GSE1: variants seen among roughly 807,000 people sequenced by gnomAD.
The protein encoded by GSE1 is Gse1 coiled-coil protein, also known as genetic suppressor element 1.
Under a neutral mutation model 112.6 loss-of-function variants are expected in GSE1, and 32 were observed. The ratio of observed to expected loss-of-function variants is 0.28; its 90% confidence interval spans 0.21 to 0.38. The LOEUF (loss-of-function observed/expected upper bound fraction) is 0.38. Among genes scored for constraint, GSE1 ranks in the 10% least tolerant of loss-of-function variants. GSE1 has a pLI of 1.00. For missense variants in GSE1, 2,348 were observed against 1,699.2 expected (o/e 1.38, Z -6.71); for synonymous variants, 1,115 against 735.6 (o/e 1.52, Z -8.35).
At chr16:85,621,822 G>T (rs1285800660) in intron 1 of GSE1, among the ~76,000 whole-genome samples, 1 of 152,172 alleles carries the variant, frequency 6.6e-6, no homozygotes, top group Non-Finnish European at 1.5e-5. Flanking sequence ...GGGGAGGGGA[G>T]GGCGCTCCGG....
intron 1 of GSE1, among the ~76,000 whole-genome samples, chr16:85,174,825 C>T (rs965943928): frequency 6.6e-6 from 1 of 152,202 alleles, no homozygotes; most frequent in African/African-American, 2.4e-5. Context: ...CTGTGAGCCC[C>T]CTGGGGAGGG....
rs528079537 is a variant in GSE1, at chr16:85,364,521, G to A, written c.2464+6878G>A. 8.5e-5 allele frequency among the ~76,000 whole-genome samples: 13 copies of A among 152,316 alleles called. No homozygotes were observed. The South Asian group carries it at 1.2e-3, about 15-fold the overall frequency. ...TGCATTAGTCAGGGCAGGCACCCCC[G>A]GTGCCGTAACAGACAGTCCCAGGGT... On this transcript the variant is annotated intron_variant, in intron 2 of 2. Coordinates refer to the GSE1 transcript ENST00000637419.
At chr16:85,432,261 G>C (rs1188424979) in intron 2 of GSE1, among the ~76,000 whole-genome samples, 1 of 152,212 alleles carries the variant, frequency 6.6e-6, no homozygotes, top group Admixed American at 6.5e-5. Flanking sequence ...GGAGGGAGAG[G>C]GTCTGTACAC....
chr16:85,424,661 G>A (rs1460359798), intron 2 of GSE1, among the ~76,000 whole-genome samples: 4 of 152,206 alleles, frequency 2.6e-5, no homozygotes, highest in Non-Finnish European at 5.9e-5. Flanking sequence ...AGGCTGCTTG[G>A]GAACACCTGC....
intron 1 of GSE1, among the ~76,000 whole-genome samples, chr16:85,621,668 A>C (rs2048751960): frequency 6.6e-6 from 1 of 152,192 alleles, no homozygotes; most frequent in African/African-American, 2.4e-5. Context: ...CACTAACAGC[A>C]GGACTGTGTC....
At chr16:85,573,897 A>G (rs1234076958) in intron 1 of GSE1, among the ~76,000 whole-genome samples, 1 of 152,190 alleles carries the variant, frequency 6.6e-6, no homozygotes, top group Non-Finnish European at 1.5e-5. Context: ...AAAGAGACCA[A>G]AGCTGGGAAG....
In GSE1 at chr16:85,663,420, A is replaced by G. The variant is rs768321587; in HGVS notation, c.2450A>G (p.Lys817Arg). Reference protein sequence around the residue: ...KEELVAQKRRKRRRMLRERSP... With the variant: ...KEELVAQKRRRRRRMLRERSP... ...GAATTGGTGGCCCAGAAGCGGAGGAAGCGGCGGAGGATGCTGCGAGAGAGA... is the reference window on the plus strand; with the variant it reads ...GAATTGGTGGCCCAGAAGCGGAGGAGGCGGCGGAGGATGCTGCGAGAGAGA... Residue 817 changes from lysine (K) to arginine (R), a missense_variant, in exon 11 of 16, where the codon AAG becomes AGG. Coordinates refer to ENST00000253458, the MANE Select transcript of GSE1 (RefSeq NM_014615.5). 1.1e-5 allele frequency: 18 copies of G among 1,613,902 alleles called. No homozygotes were observed. Among genetic ancestry groups the G allele is most frequent in the Non-Finnish European group, 1.5e-5 (18 of 1,180,026 alleles).
At chr16:85,291,920 A>G (rs2045226716) in intron 1 of GSE1, among the ~76,000 whole-genome samples, 1 of 152,178 alleles carries the variant, frequency 6.6e-6, no homozygotes, top group African/African-American at 2.4e-5. Flanking sequence ...TGACCGGGTC[A>G]GGCTATGGGG....
At chr16:85,343,683 G>A (rs1277309687) in intron 1 of GSE1, among the ~76,000 whole-genome samples, 1 of 152,182 alleles carries the variant, frequency 6.6e-6, no homozygotes, top group Admixed American at 6.5e-5. Flanking sequence ...CCAGGAGGTT[G>A]GGGCTGCAGT....
intron 2 of GSE1, chr16:85,490,224 GT>G (rs1204802241): frequency 6.6e-6 from 1 of 152,246 alleles, no homozygotes; most frequent in East Asian, 1.9e-4. Context: ...CATGTTTTCT[GT>G]GTTCCCTGGA....
chr16:85,449,108 A>G (rs2049596680), intron 2 of GSE1, among the ~76,000 whole-genome samples: 1 of 152,074 alleles, frequency 6.6e-6, no homozygotes, highest in South Asian at 2.1e-4. Flanking sequence ...GGGGCCAGTG[A>G]GGTGGGAGCA....
chr16:85,193,891 CA>C (rs2074876279), intron 1 of GSE1, among the ~76,000 whole-genome samples: 1 of 152,240 alleles, frequency 6.6e-6, no homozygotes, highest in Non-Finnish European at 1.5e-5. Flanking sequence ...TACAATGCCA[CA>C]GTCAGGGCAC....
chr16:85,659,357 C>T (rs751050593), intron 8 of GSE1: 1 of 152,116 alleles, frequency 6.6e-6, no homozygotes, highest in Non-Finnish European at 1.5e-5. Flanking sequence ...AGTATATCTC[C>T]CTTTAAAAAA....
chr16:85,591,491 C>T (rs2047000617), intron 1 of GSE1, among the ~76,000 whole-genome samples: 1 of 152,242 alleles, frequency 6.6e-6, no homozygotes, highest in African/African-American at 2.4e-5. Flanking sequence ...TCTTTGCAAA[C>T]AGCCAACCTT....
At chr16:85,223,730 G>A (rs1218209498) in intron 1 of GSE1, among the ~76,000 whole-genome samples, 1 of 151,544 alleles carries the variant, frequency 6.6e-6, no homozygotes, top group Non-Finnish European at 1.5e-5. Flanking sequence ...TCAACCTCCC[G>A]ATTAGCTGGG....
In GSE1 at chr16:85,467,386, T is replaced by C. The variant is rs943229960; in HGVS notation, c.2464+109743T>C. Reference sequence around the variant, plus strand: ...CTATGTAACAAACTACCCCAAGACATTGGCGTAAAACAAGAACACAAATTT... The same window carrying C: ...CTATGTAACAAACTACCCCAAGACACTGGCGTAAAACAAGAACACAAATTT... On this transcript the variant is annotated intron_variant, in intron 2 of 2. Coordinates refer to the GSE1 transcript ENST00000637419. Among the ~76,000 whole-genome samples, 5 of 152,212 alleles carry C rather than the reference T, an allele frequency of 3.3e-5. No individual in the cohort carries two copies. The South Asian group carries it at 1.0e-3, about 32-fold the overall frequency.
chr16:85,596,629 T>G (rs2047238532), intron 1 of GSE1, among the ~76,000 whole-genome samples: 1 of 152,246 alleles, frequency 6.6e-6, no homozygotes, highest in Non-Finnish European at 1.5e-5. Context: ...AAATTTTAAA[T>G]TAATGAAATA....
At chr16:85,181,863 A>T (rs544323168) in intron 1 of GSE1, among the ~76,000 whole-genome samples, 16 of 152,306 alleles carry the variant, frequency 1.1e-4, no homozygotes, top group Non-Finnish European at 2.1e-4. Context: ...TCCCGAGAGC[A>T]TGGCGGGGCC....
At chr16:85,226,106 C>T (rs1597843294) in intron 1 of GSE1, among the ~76,000 whole-genome samples, 1 of 152,196 alleles carries the variant, frequency 6.6e-6, no homozygotes, top group Non-Finnish European at 1.5e-5. Context: ...TCAGAAGCCA[C>T]ACCCTGCCAC....
Sources: allele counts gnomAD v4.1 joint callset (sites outside exome capture counted in the v4.1 genomes callset), GRCh38; gene constraint gnomAD v4.1.1; transcripts MANE v1.5; gene names NCBI Gene and HGNC (gene_info 2026-07-23, HGNC 2026-07-21).